The following SLC17A7 variants were observed in gnomAD, a reference collection of about 807,000 sequenced individuals.
SLC17A7 encodes the protein solute carrier family 17 member 7, also known as vesicular glutamate transporter 1.
A neutral mutation model predicts 59.1 loss-of-function variants in SLC17A7; 15 were observed. The observed-to-expected ratio is 0.25, with a 90% confidence interval of 0.17 to 0.39. SLC17A7 has a LOEUF of 0.39. SLC17A7 is among the 10% of genes least tolerant of loss of function. The pLI is 1.00. For synonymous variants in SLC17A7, 353 were observed against 308.9 expected (o/e 1.14, Z -1.50); for missense variants, 499 against 765.1 (o/e 0.65, Z 4.10).
Position 49,431,377 on chromosome 19 carries a change from G to C in SLC17A7, c.1222C>G (p.Leu408Val), listed in dbSNP as rs1484149051. 1 of 1,614,214 alleles carries C rather than the reference G, an allele frequency of 6.2e-7. No homozygotes were observed. The highest frequency in any genetic ancestry group is 8.5e-7 in the Non-Finnish European group (1 of 1,180,038). Reference sequence around the variant, plus strand: ...CCGCTGAAGCCCACGGCTAGGACCAGGAAGGAGATGGCCACGCCCTTGGAG... The same window carrying C: ...CCGCTGAAGCCCACGGCTAGGACCACGAAGGAGATGGCCACGCCCTTGGAG... Reference protein sequence around the residue: ...SHSKGVAISFLVLAVGFSGFA... With the variant: ...SHSKGVAISFVVLAVGFSGFA... Residue 408 changes from leucine to valine, a missense_variant, in exon 10 of 12, where the codon CTG becomes GTG. Leu to Val is a conservative substitution (Grantham distance 32). Around this residue, in one of 3 missense-constraint regions of SLC17A7, gnomAD observed 323 missense variants for 607.2 expected, o/e 0.53. Transcript: ENST00000221485. This position sits in a 1 kb window ranked among gnomAD's most constrained non-coding sequence, Gnocchi z 4.6.
At position 49,433,240 on chromosome 19, in the gene SLC17A7, C is replaced by A. The variant is rs73931783; in HGVS notation, c.868-280G>T. 14,937 of 475,212 alleles carry A rather than the reference C, an allele frequency of 0.031. 421 individuals are homozygous for A. The highest frequency in any genetic ancestry group is 0.091 in the African/African-American group (4,496 of 49,600). 29.4% of individuals were successfully genotyped at this position (475,212 alleles called of 1,614,324 possible). On this transcript the variant is annotated intron_variant, in intron 7 of 11. Coordinates refer to ENST00000221485, the MANE Select transcript of SLC17A7 (RefSeq NM_020309.4). The surrounding 1 kb of genome is among the most constrained non-coding windows in gnomAD (Gnocchi z 5.7). ...CAGGGACCTGTCTTTTTCTTTTTTTCTTTTTATTTTTACTTTTTGTATTTT... is the reference window on the plus strand; with the variant it reads ...CAGGGACCTGTCTTTTTCTTTTTTTATTTTTATTTTTACTTTTTGTATTTT...
In SLC17A7 at chr19:49,436,727, G is replaced by A. The variant is rs200281828; in HGVS notation, c.137C>T (p.Thr46Ile). The change falls in exon 2 of 12, where the codon ACC becomes ATC. Residue 46 changes from threonine to isoleucine, a missense_variant. Thr to Ile is a moderately conservative substitution (Grantham distance 89). Coordinates refer to ENST00000221485, the MANE Select transcript of SLC17A7 (RefSeq NM_020309.4). The surrounding 1 kb of genome is among the most constrained non-coding windows in gnomAD (Gnocchi z 4.1). ...SADGRPVTTQ[T>I]RDPPVVDCTC... is the part of the protein sequence containing the mutation. Reference sequence around the variant, plus strand: ...GCAGTCCACCACCGGCGGGTCCCGGGTCTGCGTGGTCACCGGGCGCCCATC... The same window carrying A: ...GCAGTCCACCACCGGCGGGTCCCGGATCTGCGTGGTCACCGGGCGCCCATC... 6.2e-7 allele frequency: 1 copy of A among 1,611,556 alleles called. No individual in the cohort carries two copies.
In SLC17A7 at chr19:49,436,782, C is replaced by A; in HGVS notation, c.82G>T (p.Glu28Ter). The change falls in exon 2 of 12, where the codon GAA becomes TAA. Residue 28 changes from glutamate to a stop codon, truncating the protein, a stop_gained. Coordinates refer to ENST00000221485, the MANE Select transcript of SLC17A7 (RefSeq NM_020309.4). LOFTEE classifies it high-confidence loss of function. The surrounding 1 kb of genome is among the most constrained non-coding windows in gnomAD (Gnocchi z 4.1). ...CTCAGCTCCAGCGTCTCCGCGCCTT[C>A]CTGCCGCTTCTCCAGAAGGCTGCGG... ...KLHRLLEKRQ[E>*]GAETLELSAD... The A allele has an allele frequency of 6.2e-7, 1 of 1,603,282 alleles. No individual in the cohort carries two copies. Among genetic ancestry groups the A allele is most frequent in the Non-Finnish European group, 8.5e-7 (1 of 1,179,740 alleles).
At chr19:49,434,933 G>A in intron 3 of SLC17A7, 51 bp from the exon 4 acceptor site, 1 of 1,563,444 alleles carries the variant, frequency 6.4e-7, no homozygotes. Flanking sequence ...CCATGCCCGG[G>A]ATTCTGCCTT....
Position 49,433,565 on chromosome 19 carries a change from C to T in SLC17A7, c.867+161G>A, listed in dbSNP as rs1568634453. 4.1e-6 allele frequency: 4 copies of T among 973,916 alleles called. No homozygotes were observed. Among genetic ancestry groups the T allele is most frequent in the Non-Finnish European group, 6.4e-6 (4 of 628,828 alleles). 60.3% of individuals were successfully genotyped at this position (973,916 alleles called of 1,614,324 possible). On this transcript the variant is annotated intron_variant, in intron 7 of 11. Transcript: ENST00000221485. The surrounding 1 kb of genome is among the most constrained non-coding windows in gnomAD (Gnocchi z 5.7). ...TGCCCCCAGCACCTGAGAATCTCGT[C>T]CTCCGCGGGTTGCAACCCGCCTCCT... is the stretch of plus-strand genomic sequence containing the variant.
chr19:49,431,578 C>G lies in SLC17A7; in HGVS notation c.1151-130G>C, dbSNP rs75984280. 27 of 700,604 alleles carry G rather than the reference C, an allele frequency of 3.9e-5. No homozygotes were observed. The South Asian group carries it at 4.8e-4, about 13-fold the overall frequency. The allele number at this position is 700,604 out of a possible 1,614,324, so 43.4% of individuals were successfully genotyped here. A position where few individuals can be genotyped will look rare whatever the true frequency, so the allele number is the denominator to read the frequency against. Reference sequence around the variant, plus strand: ...ATCCACCCCAGTCTGGCCACCTCCACGCCCAGGCCTCTTCGCGCCCTCCAC... The same window carrying G: ...ATCCACCCCAGTCTGGCCACCTCCAGGCCCAGGCCTCTTCGCGCCCTCCAC... On this transcript the variant is annotated intron_variant, in intron 9 of 11. Transcript: ENST00000221485. This position sits in a 1 kb window ranked among gnomAD's most constrained non-coding sequence, Gnocchi z 4.6.
rs577019327 is a variant in SLC17A7, at chr19:49,431,583, A to G, written c.1151-135T>C. The G allele has an allele frequency of 3.5e-5, 24 of 690,232 alleles. No homozygotes were observed. The East Asian group carries it at 5.4e-4, about 16-fold the overall frequency. The allele number at this position is 690,232 out of a possible 1,614,324, so 42.8% of individuals were successfully genotyped here. On this transcript the variant is annotated intron_variant, in intron 9 of 11. Coordinates refer to ENST00000221485, the MANE Select transcript of SLC17A7 (RefSeq NM_020309.4). This position sits in a 1 kb window ranked among gnomAD's most constrained non-coding sequence, Gnocchi z 4.6. The stretch of plus-strand genomic sequence containing the variant: ...CCCCAGTCTGGCCACCTCCACGCCC[A>G]GGCCTCTTCGCGCCCTCCACGCCAC...
Position 49,433,647 on chromosome 19 carries a change from C to A in SLC17A7, c.867+79G>T, listed in dbSNP as rs779585957. 13 of 1,584,460 alleles carry A rather than the reference C, an allele frequency of 8.2e-6. No individual in the cohort carries two copies. In the South Asian group the frequency reaches 1.3e-4, roughly 16 times the overall value. On this transcript the variant is annotated intron_variant, in intron 7 of 11. Coordinates refer to ENST00000221485, the MANE Select transcript of SLC17A7 (RefSeq NM_020309.4). This position sits in a 1 kb window ranked among gnomAD's most constrained non-coding sequence, Gnocchi z 5.7. Reference sequence around the variant, plus strand: ...CCGTCTCCTCTAGAGTCTGCAGGAACCGTCCCTGATCTACACGCTGTGCAG... The same window carrying A: ...CCGTCTCCTCTAGAGTCTGCAGGAAACGTCCCTGATCTACACGCTGTGCAG...
Position 49,432,980 on chromosome 19 carries a change from G to A in SLC17A7, c.868-20C>T, listed in dbSNP as rs767316214. On this transcript the variant is annotated intron_variant, in intron 7 of 11. Coordinates refer to ENST00000221485, the MANE Select transcript of SLC17A7 (RefSeq NM_020309.4). ...AAACTTCTGTGGGGGCGAGGGGAGG[G>A]CCGCTAAGACGGGGAGCGGGGCTGA... is the stretch of plus-strand genomic sequence containing the variant. The A allele has an allele frequency of 1.9e-6, 3 of 1,600,408 alleles. No individual in the cohort carries two copies. The highest frequency in any genetic ancestry group is 3.4e-5 in the Admixed American group (2 of 58,182).
At position 49,433,876 on chromosome 19, in the gene SLC17A7, G is replaced by T. The variant is rs1460977179; in HGVS notation, c.725-8C>A. The T allele has an allele frequency of 6.8e-6, 11 of 1,611,150 alleles. No homozygotes were observed. The highest frequency in any genetic ancestry group is 9.3e-6 in the Non-Finnish European group (11 of 1,178,074). On this transcript the variant is annotated splice_polypyrimidine_tract_variant and splice_region_variant and intron_variant, in intron 6 of 11. Transcript: ENST00000221485. This position sits in a 1 kb window ranked among gnomAD's most constrained non-coding sequence, Gnocchi z 5.7. Reference sequence around the variant, plus strand: ...AGAAGATCCCGAAGCTGCCTGGGGGGGTCAGGAGGGGGATGGGAGCGAGGT... The same window carrying T: ...AGAAGATCCCGAAGCTGCCTGGGGGTGTCAGGAGGGGGATGGGAGCGAGGT...
chr19:49,433,658 C>G lies in SLC17A7; in HGVS notation c.867+68G>C. The stretch of plus-strand genomic sequence containing the variant: ...AGAGTCTGCAGGAACCGTCCCTGAT[C>G]TACACGCTGTGCAGGTTCGTGGCTT... On this transcript the variant is annotated intron_variant, in intron 7 of 11. Transcript: ENST00000221485. This position sits in a 1 kb window ranked among gnomAD's most constrained non-coding sequence, Gnocchi z 5.7. The G allele has an allele frequency of 6.2e-7, 1 of 1,606,642 alleles. No individual in the cohort carries two copies. The highest frequency in any genetic ancestry group is 8.5e-7 in the Non-Finnish European group (1 of 1,174,088).
In SLC17A7 at chr19:49,432,958, C is replaced by T. The variant is rs1324846130; in HGVS notation, c.870G>A (p.Lys290=). Residue 290 remains lysine (K), a splice_region_variant and synonymous_variant, in exon 8 of 12, where the codon AAG becomes AAA. Transcript: ENST00000221485. The part of the protein sequence containing the change: ...ESAKLMNPLT[K]FSTPWRRFFT... ...AGAAGCGCCGCCAGGGAGTGCTAAACTTCTGTGGGGGCGAGGGGAGGGCCG... is the reference window on the plus strand; with the variant it reads ...AGAAGCGCCGCCAGGGAGTGCTAAATTTCTGTGGGGGCGAGGGGAGGGCCG... 1 of 1,606,686 alleles carries T rather than the reference C, an allele frequency of 6.2e-7. No individual in the cohort carries two copies. The highest frequency in any genetic ancestry group is 8.5e-7 in the Non-Finnish European group (1 of 1,176,858).
At position 49,434,851 on chromosome 19, in the gene SLC17A7, T is replaced by C. The variant is rs1366778999; in HGVS notation, c.466A>G (p.Thr156Ala). 3 of 1,613,684 alleles carry C rather than the reference T, an allele frequency of 1.9e-6. No individual in the cohort carries two copies. Among genetic ancestry groups the C allele is most frequent in the Non-Finnish European group, 2.5e-6 (3 of 1,179,922 alleles). The part of the protein sequence containing the change: ...VFGFAIVATS[T>A]LNMLIPSAAR... ...GCTGAGGGGATCAGCATGTTTAGAGTGGATGTTGCCACAATAGCAAAGCCG... is the reference window on the plus strand; with the variant it reads ...GCTGAGGGGATCAGCATGTTTAGAGCGGATGTTGCCACAATAGCAAAGCCG... Residue 156 changes from threonine (T) to alanine (A), a missense_variant, in exon 4 of 12, where the codon ACT becomes GCT. Physicochemically the swap from Thr to Ala is moderately conservative, Grantham distance 58. Transcript: ENST00000221485.
chr19:49,429,574 G>A lies in SLC17A7; in HGVS notation c.*945C>T. 1 of 399,068 alleles carries A rather than the reference G, an allele frequency of 2.5e-6. No individual in the cohort carries two copies. Among genetic ancestry groups the A allele is most frequent in the Non-Finnish European group, 4.4e-6 (1 of 226,090 alleles). 24.7% of individuals were successfully genotyped at this position (399,068 alleles called of 1,614,324 possible). A position where few individuals can be genotyped will look rare whatever the true frequency, so the allele number is the denominator to read the frequency against. On this transcript the variant is annotated 3_prime_UTR_variant, in exon 12 of 12. Coordinates refer to ENST00000221485, the MANE Select transcript of SLC17A7 (RefSeq NM_020309.4). Reference sequence around the variant, plus strand: ...AGGTTCCCCAAATTCTAAGCTGAAAGAGGGGTGTCTGAGAGGGGAAGGATC... The same window carrying A: ...AGGTTCCCCAAATTCTAAGCTGAAAAAGGGGTGTCTGAGAGGGGAAGGATC...
At position 49,433,670 on chromosome 19, in the gene SLC17A7, C is replaced by T; in HGVS notation, c.867+56G>A. ...AACCGTCCCTGATCTACACGCTGTGCAGGTTCGTGGCTTGCTATCTCTCCC... is the reference window on the plus strand; with the variant it reads ...AACCGTCCCTGATCTACACGCTGTGTAGGTTCGTGGCTTGCTATCTCTCCC... On this transcript the variant is annotated intron_variant, in intron 7 of 11. Coordinates refer to ENST00000221485, the MANE Select transcript of SLC17A7 (RefSeq NM_020309.4). This position sits in a 1 kb window ranked among gnomAD's most constrained non-coding sequence, Gnocchi z 5.7. 1 of 1,610,792 alleles carries T rather than the reference C, an allele frequency of 6.2e-7. No homozygotes were observed. Among genetic ancestry groups the T allele is most frequent in the South Asian group, 1.1e-5 (1 of 90,896 alleles).
rs2078974364 is a variant in SLC17A7 at position 49,434,901 on chromosome 19, G to A, written c.435-19C>T. Reference sequence around the variant, plus strand: ...GAAAACTCTGATGGGAAGGGTCAGAGAAAAGAATCCAAGCTATCCAGCCAT... The same window carrying A: ...GAAAACTCTGATGGGAAGGGTCAGAAAAAAGAATCCAAGCTATCCAGCCAT... On this transcript the variant is annotated intron_variant, in intron 3 of 11. Transcript: ENST00000221485. The A allele has an allele frequency of 1.9e-6, 3 of 1,603,654 alleles. No homozygotes were observed. The highest frequency in any genetic ancestry group is 2.6e-6 in the Non-Finnish European group (3 of 1,173,232).
At chr19:49,439,404 C>T (rs998176526) in intron 1 of SLC17A7, among the ~76,000 whole-genome samples, 2 of 152,186 alleles carry the variant, frequency 1.3e-5, no homozygotes, top group African/African-American at 2.4e-5. Flanking sequence ...AAGGAGGCAC[C>T]TTGGGTTCTC....
chr19:49,430,756 A>G lies in SLC17A7; in HGVS notation c.1446T>C (p.Gly482=). ...FLIASLVHYG[G]VIFYGVFASG... ...AAGCAAAGACCCCGTAGAAGATGAC[A>G]CCTCCATAGTGCACCAGGGAGGCAA... Residue 482 remains glycine (G), a synonymous_variant, in exon 12 of 12, where the codon GGT becomes GGC. Coordinates refer to ENST00000221485, the MANE Select transcript of SLC17A7 (RefSeq NM_020309.4). 2 of 1,613,856 alleles carry G rather than the reference A, an allele frequency of 1.2e-6. No individual in the cohort carries two copies. The highest frequency in any genetic ancestry group is 1.7e-6 in the Non-Finnish European group (2 of 1,179,928).
intron 1 of SLC17A7, among the ~76,000 whole-genome samples, chr19:49,440,004 G>T (rs2078994240): frequency 6.6e-6 from 1 of 152,098 alleles, no homozygotes; most frequent in South Asian, 2.1e-4. Flanking sequence ...CGAGAAAAAG[G>T]GTGGGGAGGG....
Sources: gnomAD v4.1 joint callset for allele counts (sites outside exome capture counted in the v4.1 genomes callset) on GRCh38, gnomAD v4.1.1 for gene constraint, gnomAD v4.1.1 regional missense constraint, Gnocchi (gnomAD v3.1) non-coding constraint, MANE v1.5 for transcripts, NCBI Gene and HGNC (gene_info 2026-07-23, HGNC 2026-07-21) for gene names.